The following SLC35B3 variants were observed in gnomAD, a reference collection of about 807,000 sequenced individuals.
The protein encoded by SLC35B3 is adenosine 3'-phospho 5'-phosphosulfate transporter 2.
Under a neutral mutation model 44.1 loss-of-function variants are expected in SLC35B3, and 35 were observed. That is an observed-to-expected ratio of 0.79 (90% confidence interval 0.61 to 1.05). SLC35B3 has a LOEUF of 1.05. SLC35B3 is among the 50% of genes least tolerant of loss of function. The pLI, the probability that SLC35B3 is intolerant of heterozygous loss-of-function variation, is 0.00. For synonymous variants in SLC35B3, 146 were observed against 167.3 expected (o/e 0.87, Z 0.98); for missense variants, 414 against 476.4 (o/e 0.87, Z 1.22).
intron 4 of SLC35B3, 104 bp downstream of exon 3, chr6:8,427,833 T>C: frequency 1.1e-6 from 1 of 941,390 alleles, no homozygotes; most frequent in East Asian, 2.5e-5. Flanking sequence ...AGTTCGTGCC[T>C]ATCACATGTT....
At chr6:8,428,285 T>C (rs1763631150) in intron 3 of SLC35B3, among the ~76,000 whole-genome samples, 3 of 152,202 alleles carry the variant, frequency 2.0e-5, no homozygotes, top group Admixed American at 1.3e-4. Flanking sequence ...ATGGTTAATT[T>C]GCCTAAACAT....
chr6:8,414,829 G>A, intron 10 of SLC35B3, 79 bp downstream of exon 9: 1 of 733,022 alleles, frequency 1.4e-6, no homozygotes, highest in Non-Finnish European at 2.1e-6. Flanking sequence ...AAGTAGAAAA[G>A]TTGAAATTAA....
intron 7 of SLC35B3, among the ~76,000 whole-genome samples, chr6:8,418,038 G>A (rs879686115): frequency 6.6e-6 from 1 of 152,068 alleles, no homozygotes; most frequent in Non-Finnish European, 1.5e-5. Context: ...CTGTGTTGAA[G>A]CTCGGTACGG....
rs1269749869 is a variant in SLC35B3, at chr6:8,412,916, C to T, written c.*633G>A. 6.6e-6 allele frequency among the ~76,000 whole-genome samples: 1 copy of T among 152,138 alleles called. No homozygotes were observed. The highest frequency in any genetic ancestry group is 1.5e-5 in the Non-Finnish European group (1 of 68,028). On this transcript the variant is annotated 3_prime_UTR_variant, in exon 11 of 11. Transcript: ENST00000644923. ...TTGCGTGGTCTGGTTCCTAACAGGC[C>T]ACGGACTGGTACCAGTCCACGGCCT...
In SLC35B3 at chr6:8,411,984, G is replaced by C. The variant is rs1275293447; in HGVS notation, c.*1565C>G. Reference sequence around the variant, plus strand: ...ACATTCCTATGGTCTGAATGTTTGTGTCCCCCTGAGATTCATTTGTTGAAA... The same window carrying C: ...ACATTCCTATGGTCTGAATGTTTGTCTCCCCCTGAGATTCATTTGTTGAAA... On this transcript the variant is annotated 3_prime_UTR_variant, in exon 11 of 11. Coordinates refer to ENST00000644923, the MANE Select transcript of SLC35B3 (RefSeq NM_001370476.2). Among the ~76,000 whole-genome samples the C allele has an allele frequency of 6.6e-6, 1 of 152,152 alleles. No individual in the cohort carries two copies. Among genetic ancestry groups the C allele is most frequent in the Non-Finnish European group, 1.5e-5 (1 of 68,024 alleles).
chr6:8,419,115 G>A lies in SLC35B3; in HGVS notation c.780+465C>T, dbSNP rs1762667407. Among the ~76,000 whole-genome samples, 1 of 152,016 alleles carries A rather than the reference G, an allele frequency of 6.6e-6. No homozygotes were observed. The highest frequency in any genetic ancestry group is 1.5e-5 in the Non-Finnish European group (1 of 67,914). ...TTGAAAGAAAAGTTCTTTTAAAAAAGTTTTAGATTGGATCAAGGGCTTAAT... is the reference window on the plus strand; with the variant it reads ...TTGAAAGAAAAGTTCTTTTAAAAAAATTTTAGATTGGATCAAGGGCTTAAT... On this transcript the variant is annotated intron_variant, in intron 7 of 10. Coordinates refer to ENST00000644923, the MANE Select transcript of SLC35B3 (RefSeq NM_001370476.2). This position sits in a 1 kb window ranked among gnomAD's most constrained non-coding sequence, Gnocchi z 4.3.
chr6:8,426,335 A>G (rs1763408108), intron 4 of SLC35B3, among the ~76,000 whole-genome samples: 1 of 152,144 alleles, frequency 6.6e-6, no homozygotes, highest in Non-Finnish European at 1.5e-5. Context: ...TTTATAGAAC[A>G]TTTTTGATAT....
intron 10 of SLC35B3, among the ~76,000 whole-genome samples, chr6:8,414,164 T>C (rs1249975121): frequency 6.6e-6 from 1 of 152,142 alleles, no homozygotes; most frequent in Non-Finnish European, 1.5e-5. Flanking sequence ...TATTTATGTA[T>C]GACATAACAC....
chr6:8,419,123 T>C lies in SLC35B3; in HGVS notation c.780+457A>G, dbSNP rs1762668017. ...AAAGTTCTTTTAAAAAAGTTTTAGA[T>C]TGGATCAAGGGCTTAATAAAAAAGG... On this transcript the variant is annotated intron_variant, in intron 7 of 10. Transcript: ENST00000644923. This position sits in a 1 kb window ranked among gnomAD's most constrained non-coding sequence, Gnocchi z 4.3. Among the ~76,000 whole-genome samples the C allele has an allele frequency of 6.6e-6, 1 of 151,994 alleles. No homozygotes were observed. The highest frequency in any genetic ancestry group is 1.9e-4 in the East Asian group (1 of 5,196).
At position 8,435,334 on chromosome 6, in the gene SLC35B3, CACGCGT is replaced by C; in HGVS notation, c.-44+3_-44+8del. Reference sequence around the variant, plus strand: ...CCAAACACAGGAAAGGCCCCGAAGGCACGCGTACCCCAAGGCCGGTATGTCACCCGG... The same window carrying C: ...CCAAACACAGGAAAGGCCCCGAAGGCACCCCAAGGCCGGTATGTCACCCGG... On this transcript the variant is annotated splice_donor_5th_base_variant and intron_variant, in intron 1 of 10. Transcript: ENST00000644923. The surrounding 1 kb of genome is among the most constrained non-coding windows in gnomAD (Gnocchi z 5.5). 1 of 1,289,308 alleles carries C rather than the reference CACGCGT, an allele frequency of 7.8e-7. No individual in the cohort carries two copies. The highest frequency in any genetic ancestry group is 1.2e-5 in the South Asian group (1 of 81,018). 79.9% of individuals were successfully genotyped at this position (1,289,308 alleles called of 1,614,324 possible). A position where few individuals can be genotyped will look rare whatever the true frequency, so the allele number is the denominator to read the frequency against.
At chr6:8,425,681 TA>T (rs374026968) in intron 4 of SLC35B3, among the ~76,000 whole-genome samples, 83 of 151,248 alleles carry the variant, frequency 5.5e-4, no homozygotes, top group African/African-American at 1.8e-3. Flanking sequence ...ATTTTATGAT[TA>T]AAAAAAAAGC....
rs1415092931 is a variant in SLC35B3 at position 8,419,542 on chromosome 6, ATC to A, written c.780+36_780+37del. 3 of 1,076,192 alleles carry A rather than the reference ATC, an allele frequency of 2.8e-6. No individual in the cohort carries two copies. The highest frequency in any genetic ancestry group is 1.6e-5 in the South Asian group (1 of 60,744). The allele number at this position is 1,076,192 out of a possible 1,614,324, so 66.7% of individuals were successfully genotyped here. On this transcript the variant is annotated intron_variant, in intron 7 of 10. Transcript: ENST00000644923. The surrounding 1 kb of genome is among the most constrained non-coding windows in gnomAD (Gnocchi z 4.3). Reference sequence around the variant, plus strand: ...AATTACGTGTATCACCATTTTTTAAATCTGTCTAATTTGAAGAAAAAACACTA... The same window carrying A: ...AATTACGTGTATCACCATTTTTTAAATGTCTAATTTGAAGAAAAAACACTA...
chr6:8,422,683 T>C, intron 4 of SLC35B3, 59 bp from the exon 4 acceptor site: 1 of 1,328,562 alleles, frequency 7.5e-7, no homozygotes, highest in Non-Finnish European at 1.1e-6. Context: ...TACTAAAAGA[T>C]AATGTGTTCA....
intron 4 of SLC35B3, among the ~76,000 whole-genome samples, chr6:8,425,952 CA>C (rs1763374238): frequency 6.6e-6 from 1 of 152,136 alleles, no homozygotes; most frequent in African/African-American, 2.4e-5. Context: ...AGATATTTCT[CA>C]AATCTAGATG....
In SLC35B3 at chr6:8,429,957, A is replaced by G; in HGVS notation, c.204T>C (p.Leu68=). The G allele has an allele frequency of 6.2e-7, 1 of 1,612,576 alleles. No homozygotes were observed. The highest frequency in any genetic ancestry group is 1.1e-5 in the South Asian group (1 of 90,514). Residue 68 remains leucine (L), a synonymous_variant, in exon 3 of 11, where the codon CTT becomes CTC. Coordinates refer to ENST00000644923, the MANE Select transcript of SLC35B3 (RefSeq NM_001370476.2). ...TGTTAAACTTGCTGAGATTCATGCC[A>G]AGTACCACAACGTCGTCAACTGACT...
Position 8,433,417 on chromosome 6 carries a change from AT to A in SLC35B3, c.3+967del, listed in dbSNP as rs1764178581. Among the ~76,000 whole-genome samples, 1 of 152,220 alleles carries A rather than the reference AT, an allele frequency of 6.6e-6. No individual in the cohort carries two copies. On this transcript the variant is annotated intron_variant, in intron 2 of 10. Transcript: ENST00000644923. This position sits in a 1 kb window ranked among gnomAD's most constrained non-coding sequence, Gnocchi z 4.1. ...GCCTATGAAATCCTTAAGGCAAGAG[AT>A]ATCTTCCTATGATGTTCTGGCACAT...
chr6:8,422,334 A>T, intron 5 of SLC35B3, 136 bp downstream of exon 4: 1 of 734,324 alleles, frequency 1.4e-6, no homozygotes. Flanking sequence ...TATTTTGGTA[A>T]GACATAATTC....
chr6:8,428,491 C>T (rs1386376545), intron 3 of SLC35B3, among the ~76,000 whole-genome samples: 1 of 151,982 alleles, frequency 6.6e-6, no homozygotes, highest in Admixed American at 6.6e-5. Context: ...AAACCCCAAC[C>T]ATTTTCTCTG....
chr6:8,432,853 C>A lies in SLC35B3; in HGVS notation c.3+1532G>T, dbSNP rs576997436. Among the ~76,000 whole-genome samples, 2 of 152,158 alleles carry A rather than the reference C, an allele frequency of 1.3e-5. No individual in the cohort carries two copies. Among genetic ancestry groups the A allele is most frequent in the Admixed American group, 6.5e-5 (1 of 15,274 alleles). The stretch of plus-strand genomic sequence containing the variant: ...TGGAAATACAGACCTGAATTTCCAA[C>A]GCTGCCTTCTCTCCTGAGATCCAGA... On this transcript the variant is annotated intron_variant, in intron 2 of 10. Coordinates refer to ENST00000644923, the MANE Select transcript of SLC35B3 (RefSeq NM_001370476.2). This position sits in a 1 kb window ranked among gnomAD's most constrained non-coding sequence, Gnocchi z 4.8.
Sources: allele counts gnomAD v4.1 joint callset (sites outside exome capture counted in the v4.1 genomes callset), GRCh38; gene constraint gnomAD v4.1.1; non-coding constraint Gnocchi (gnomAD v3.1); transcripts MANE v1.5; gene names NCBI Gene and HGNC (gene_info 2026-07-23, HGNC 2026-07-21).